The following MUC7 variants were observed in gnomAD, a reference collection of about 807,000 sequenced individuals.
The protein encoded by MUC7 is mucin-7.
In MUC7, 2 loss-of-function variants were observed where a neutral mutation model predicts 2.5. The ratio of observed to expected loss-of-function variants is 0.81; its 90% CI spans 0.33 to 2.55. The LOEUF (loss-of-function observed/expected upper bound fraction) is 2.55. Among genes scored for constraint, MUC7 ranks in the 30% most tolerant of loss-of-function variants. The probability of loss-of-function intolerance (pLI) is 0.11; values close to 1 mark genes in which losing one functional copy is unlikely to be tolerated. For synonymous variants in MUC7, 133 were observed against 173.4 expected, an observed-to-expected ratio of 0.77 and a Z score of 1.83; for missense variants, 408 against 455.6, an observed-to-expected ratio of 0.90 and a Z score of 0.95.
At chr4:70,477,997 A>T (rs985049849) in intron 2 of MUC7, among the ~76,000 whole-genome samples, 3 of 152,090 alleles carry the variant, frequency 2.0e-5, no homozygotes, top group Admixed American at 6.5e-5. Context: ...CCTCTCTCAG[A>T]CTTCTCTAAA....
intron 1 of MUC7, among the ~76,000 whole-genome samples, chr4:70,446,252 G>T (rs1161664336): frequency 6.6e-6 from 1 of 152,018 alleles, no homozygotes; most frequent in Non-Finnish European, 1.5e-5. Context: ...GACCTCAAGG[G>T]GATATTACTT....
At chr4:70,475,844 C>T (rs1734983033) in intron 2 of MUC7, among the ~76,000 whole-genome samples, 1 of 152,116 alleles carries the variant, frequency 6.6e-6, no homozygotes, top group Non-Finnish European at 1.5e-5. Context: ...GGCAGAAGAA[C>T]TGATGAAGTG....
At position 70,480,855 on chromosome 4, in the gene MUC7, A is replaced by G. The variant is rs1258532306; in HGVS notation, c.111A>G (p.Gln37=). ...HELRHRRHHH[Q]SPKSHFELPH... is the part of the protein sequence containing the mutation. ...TACGTCACAGAAGGCATCATCACCA[A>G]TCACCCAAATCTCACTTTGAATTAC... Residue 37 remains glutamine, a synonymous_variant, in exon 3 of 3, where the codon CAA becomes CAG. Coordinates refer to ENST00000304887, the MANE Select transcript of MUC7 (RefSeq NM_152291.3). The G allele has an allele frequency of 3.1e-6, 5 of 1,614,100 alleles. No individual in the cohort carries two copies. The South Asian group carries it at 3.3e-5, about 11-fold the overall frequency.
At position 70,431,797 on chromosome 4, in the gene MUC7, C is replaced by T. The variant is rs139821553; in HGVS notation, c.-93+1110C>T. 7.1e-3 allele frequency among the ~76,000 whole-genome samples: 1,081 copies of T among 151,814 alleles called. 23 individuals carry two copies. Among genetic ancestry groups the T allele is most frequent in the East Asian group, 0.045 (231 of 5,162 alleles). ...AGTTCTAGGGTACATGTGCACAACG[C>T]GCAGGTTTCTTACATATGTATACAT... On this transcript the variant is annotated intron_variant, in intron 1 of 3. Coordinates refer to the MUC7 transcript ENST00000413702.
chr4:70,474,576 TAG>T (rs1275949520), intron 2 of MUC7, among the ~76,000 whole-genome samples: 4 of 151,946 alleles, frequency 2.6e-5, no homozygotes, highest in African/African-American at 9.7e-5. Flanking sequence ...GGTAGGTAGG[TAG>T]GTAGGTAGGT....
chr4:70,479,935 G>T (rs7661930), intron 2 of MUC7, among the ~76,000 whole-genome samples: 1,947 of 152,214 alleles, frequency 0.013, 42 homozygotes, highest in African/African-American at 0.045. Context: ...TCTACCAGGC[G>T]GCCTTAGGAA....
chr4:70,436,361 T>A (rs2109699589), intron 1 of MUC7, among the ~76,000 whole-genome samples: 1 of 152,340 alleles, frequency 6.6e-6, no homozygotes, highest in Admixed American at 6.5e-5. Flanking sequence ...TTTGGTCTTT[T>A]CACATAGTCC....
At chr4:70,473,985 G>A (rs368012146) in intron 1 of MUC7, 22 bp from the exon 2 acceptor site, 49 of 1,560,028 alleles carry the variant, frequency 3.1e-5, no homozygotes, top group African/African-American at 1.5e-4. Flanking sequence ...CTAATAGTAC[G>A]CCACATTTCT....
intron 1 of MUC7, among the ~76,000 whole-genome samples, chr4:70,458,491 G>C (rs1734465718): frequency 6.6e-6 from 1 of 151,972 alleles, no homozygotes; most frequent in South Asian, 2.1e-4. Flanking sequence ...CATGTGCATT[G>C]TATAATTTCT....
chr4:70,468,205 AC>A (rs1560554897), upstream of MUC7, among the ~76,000 whole-genome samples: 1 of 152,024 alleles, frequency 6.6e-6, no homozygotes, highest in Non-Finnish European at 1.5e-5. Flanking sequence ...AAAATTAAAC[AC>A]CCCTTCATGC....
intron 1 of MUC7, among the ~76,000 whole-genome samples, chr4:70,466,020 G>T (rs541768145): frequency 6.6e-6 from 1 of 152,300 alleles, no homozygotes; most frequent in Admixed American, 6.5e-5. Context: ...TACCCACAAA[G>T]GGAAGCCCAT....
At position 70,481,479 on chromosome 4, in the gene MUC7, A is replaced by G; in HGVS notation, c.735A>G (p.Thr245=). The G allele has an allele frequency of 6.7e-7, 1 of 1,482,290 alleles. No homozygotes were observed. The highest frequency in any genetic ancestry group is 9.0e-7 in the Non-Finnish European group (1 of 1,114,618). The allele number at this position is 1,482,290 out of a possible 1,614,324, so 91.8% of individuals were successfully genotyped here. A position where few individuals can be genotyped will look rare whatever the true frequency, so the allele number is the denominator to read the frequency against. The change falls in exon 3 of 3, where the codon ACA becomes ACG. Residue 245 remains threonine (T), a synonymous_variant. Transcript: ENST00000304887. ...TAAPPTPSAT[T]PAPLSSSAPP... ...CCCCACCCACACCTTCTGCAACTACACCAGCTCCACTATCTTCCTCAGCTC... is the reference window on the plus strand; with the variant it reads ...CCCCACCCACACCTTCTGCAACTACGCCAGCTCCACTATCTTCCTCAGCTC...
At position 70,434,746 on chromosome 4, in the gene MUC7, G is replaced by T. The variant is rs536807338; in HGVS notation, c.-93+4059G>T. On this transcript the variant is annotated intron_variant, in intron 1 of 3. Transcript: ENST00000413702. ...ATCTTAATAATTTCTTGCCTTCTGC[G>T]AGCTTTTGAAAGTGTTTGCTCTTGC... is the stretch of plus-strand genomic sequence containing the variant. Among the ~76,000 whole-genome samples, 66 of 152,102 alleles carry T rather than the reference G, an allele frequency of 4.3e-4. 1 individual carries two copies. The highest frequency in any genetic ancestry group is 1.4e-3 in the East Asian group (7 of 5,174).
upstream of MUC7, among the ~76,000 whole-genome samples, chr4:70,468,279 G>A (rs1056253191): frequency 6.6e-6 from 1 of 152,112 alleles, no homozygotes; most frequent in African/African-American, 2.4e-5. Context: ...AGCTACTTAT[G>A]ACAAACCCAC....
intron 1 of MUC7, among the ~76,000 whole-genome samples, chr4:70,466,792 C>T (rs1734696042): frequency 6.6e-6 from 1 of 152,140 alleles, no homozygotes; most frequent in Non-Finnish European, 1.5e-5. Context: ...GACTTAGACT[C>T]CCACACAATA....
At chr4:70,461,906 T>A (rs1445508591) in intron 1 of MUC7, among the ~76,000 whole-genome samples, 1 of 151,454 alleles carries the variant, frequency 6.6e-6, no homozygotes, top group Non-Finnish European at 1.5e-5. Context: ...GAAATAGGCA[T>A]GAAAAAGAAA....
intron 1 of MUC7, among the ~76,000 whole-genome samples, chr4:70,451,328 G>C (rs982467419): frequency 1.3e-5 from 2 of 152,236 alleles, no homozygotes; most frequent in African/African-American, 4.8e-5. Flanking sequence ...GCTAGGGCAG[G>C]TGTGGCACAG....
At chr4:70,479,643 G>A (rs1735110470) in intron 2 of MUC7, among the ~76,000 whole-genome samples, 1 of 152,120 alleles carries the variant, frequency 6.6e-6, no homozygotes, top group Admixed American at 6.5e-5. Context: ...AGGGAAGAGG[G>A]ATATAAAAGG....
intron 2 of MUC7, among the ~76,000 whole-genome samples, chr4:70,477,893 T>C (rs746294848): frequency 6.6e-6 from 1 of 152,206 alleles, no homozygotes; most frequent in Non-Finnish European, 1.5e-5. Context: ...CTATCTTTAA[T>C]ACACCCTCCC....
Sources: gnomAD v4.1 joint callset for allele counts (sites outside exome capture counted in the v4.1 genomes callset) on GRCh38, gnomAD v4.1.1 for gene constraint, MANE v1.5 for transcripts, NCBI Gene and HGNC (gene_info 2026-07-23, HGNC 2026-07-21) for gene names.